MCM9: variants seen among roughly 807,000 people sequenced by gnomAD.
MCM9 encodes minichromosome maintenance 9 homologous recombination repair factor.
A neutral mutation model predicts 72.8 loss-of-function variants in MCM9; 55 were observed. That is an observed-to-expected ratio of 0.76 (90% CI 0.61 to 0.95). The LOEUF (loss-of-function observed/expected upper bound fraction) is 0.95. Ranked by LOEUF, MCM9 falls within the 40% of genes least tolerant of loss-of-function variation. The pLI, the probability that MCM9 is intolerant of heterozygous loss-of-function variation, is 0.00. For synonymous variants in MCM9, 480 were observed against 503.4 expected (o/e 0.95, Z 0.62); for missense variants, 1,279 against 1,377.0 (o/e 0.93, Z 1.13).
At chr6:118,900,688 G>T in intron 8 of MCM9, 1 of 1,015,152 alleles carries the variant, frequency 9.9e-7, no homozygotes, top group Non-Finnish European at 1.6e-6. Flanking sequence ...TGGCTAAGTG[G>T]ACATTAAAAG....
At chr6:118,898,342 T>G (rs1779574434) in intron 8 of MCM9, among the ~76,000 whole-genome samples, 1 of 152,228 alleles carries the variant, frequency 6.6e-6, no homozygotes, top group South Asian at 2.1e-4. Context: ...AAATGCGAAT[T>G]TATACCACTT....
At chr6:118,879,448 T>C (rs1041831902) in intron 8 of MCM9, among the ~76,000 whole-genome samples, 8 of 152,160 alleles carry the variant, frequency 5.3e-5, no homozygotes, top group Admixed American at 5.2e-4. Context: ...AACACAAGAA[T>C]AGCATTCACA....
chr6:118,931,325 T>C (rs1379983400), intron 3 of MCM9, 95 bp downstream of exon 3: 1 of 978,176 alleles, frequency 1.0e-6, no homozygotes, highest in African/African-American at 1.6e-5. Flanking sequence ...ATTTTAAGTA[T>C]AAATATCAAT....
At chr6:118,900,887 A>G (rs1779757261) in intron 8 of MCM9, 2 of 1,583,062 alleles carry the variant, frequency 1.3e-6, no homozygotes, top group South Asian at 2.2e-5. Flanking sequence ...TTCAGGTAAG[A>G]TTAATCTTGG....
chr6:118,843,890 A>G (rs1016586933), intron 9 of MCM9, among the ~76,000 whole-genome samples: 1 of 151,286 alleles, frequency 6.6e-6, no homozygotes, highest in Middle Eastern at 3.2e-3. Flanking sequence ...AGAGAAAGAA[A>G]GCAAAAGCAG....
chr6:118,931,593 G>A lies in MCM9; in HGVS notation c.131C>T (p.Ala44Val). The A allele has an allele frequency of 1.9e-6, 3 of 1,614,116 alleles. No homozygotes were observed. The highest frequency in any genetic ancestry group is 2.5e-6 in the Non-Finnish European group (3 of 1,180,014). Residue 44 changes from alanine to valine, a missense_variant, in exon 3 of 14, where the codon GCC (alanine) becomes GTC (valine). Ala to Val is a moderately conservative substitution (Grantham distance 64, BLOSUM62 0). Coordinates refer to ENST00000619706, the MANE Select transcript of MCM9 (RefSeq NM_017696.3). ...EDAHYPVVVN[A>V]MTLFETNMEI... Reference sequence around the variant, plus strand: ...CATGTTGGTCTCAAACAGAGTCATGGCATTAACCACAACTGGGTAATGAGC... The same window carrying A: ...CATGTTGGTCTCAAACAGAGTCATGACATTAACCACAACTGGGTAATGAGC...
chr6:118,824,387 C>A (rs1057167055), intron 13 of MCM9, among the ~76,000 whole-genome samples: 1 of 149,188 alleles, frequency 6.7e-6, no homozygotes, highest in Non-Finnish European at 1.5e-5. Flanking sequence ...TGGCTCACTG[C>A]AACCTCCACC....
intron 8 of MCM9, among the ~76,000 whole-genome samples, chr6:118,894,801 G>A (rs930905206): frequency 6.6e-6 from 1 of 152,220 alleles, no homozygotes; most frequent in African/African-American, 2.4e-5. Context: ...GGGCAGCTCG[G>A]AGACCCGCAC....
intron 9 of MCM9, among the ~76,000 whole-genome samples, chr6:118,833,279 G>C (rs753181142): frequency 1.3e-5 from 2 of 152,038 alleles, no homozygotes; most frequent in Admixed American, 6.6e-5. Context: ...AAGCAATGAA[G>C]ACATCTCAGA....
chr6:118,844,092 A>G (rs936617383), intron 9 of MCM9, among the ~76,000 whole-genome samples: 1 of 151,740 alleles, frequency 6.6e-6, no homozygotes, highest in Non-Finnish European at 1.5e-5. Context: ...GGTAGAATTC[A>G]TAATTAAAGT....
chr6:118,913,185 G>A (rs1780682243), intron 7 of MCM9, 110 bp downstream of exon 7: 15 of 1,258,220 alleles, frequency 1.2e-5, no homozygotes, highest in Non-Finnish European at 1.6e-5. Context: ...AGTTTTATAA[G>A]ATTACAATTG....
intron 8 of MCM9, among the ~76,000 whole-genome samples, chr6:118,897,488 T>TA (rs1488050716): frequency 6.6e-6 from 1 of 152,072 alleles, no homozygotes; most frequent in Middle Eastern, 3.2e-3. Flanking sequence ...ATTGAATACT[T>TA]ATAATATACC....
At chr6:118,844,471 C>T (rs573605834) in intron 9 of MCM9, among the ~76,000 whole-genome samples, 8 of 151,226 alleles carry the variant, frequency 5.3e-5, no homozygotes, top group Non-Finnish European at 1.2e-4. Flanking sequence ...ACAAACAACC[C>T]CAAAAAAGCC....
chr6:118,864,865 G>A (rs1777120936), intron 8 of MCM9, among the ~76,000 whole-genome samples: 1 of 152,160 alleles, frequency 6.6e-6, no homozygotes, highest in African/African-American at 2.4e-5. Flanking sequence ...GTGCAGAGAA[G>A]GGGCCTAAAA....
chr6:118,896,121 A>G (rs1328830094), intron 8 of MCM9, among the ~76,000 whole-genome samples: 7 of 150,554 alleles, frequency 4.6e-5, no homozygotes, highest in Admixed American at 2.6e-4. Context: ...TGATTCATTT[A>G]TTAAAATAAT....
chr6:118,929,544 G>C (rs1782207278), intron 3 of MCM9, among the ~76,000 whole-genome samples: 1 of 152,174 alleles, frequency 6.6e-6, no homozygotes, highest in Admixed American at 6.5e-5. Flanking sequence ...GGTCACTTAG[G>C]CAGACAGGAT....
rs1562407162 is a variant in MCM9 at position 118,843,682 on chromosome 6, A to ATG, written c.1325+12688_1325+12689insCA. Reference sequence around the variant, plus strand: ...TGTATATATATATGTATGTATATATATATGTGTATATATATATATATGTAT... The same window carrying ATG: ...TGTATATATATATGTATGTATATATATGTATGTGTATATATATATATATGTAT... On this transcript the variant is annotated intron_variant, in intron 9 of 13. Transcript: ENST00000619706. Among the ~76,000 whole-genome samples the ATG allele has an allele frequency of 3.2e-4, 26 of 81,774 alleles. 1 individual carries two copies. The highest frequency in any genetic ancestry group is 2.1e-3 in the Admixed American group (14 of 6,724). 53.6% of individuals were successfully genotyped at this position (81,774 alleles called of 152,430 possible). A position where few individuals can be genotyped will look rare whatever the true frequency, so the allele number is the denominator to read the frequency against.
chr6:118,886,001 T>C (rs925947143), intron 8 of MCM9, among the ~76,000 whole-genome samples: 2 of 151,756 alleles, frequency 1.3e-5, no homozygotes, highest in African/African-American at 4.8e-5. Flanking sequence ...GCAAGGTTCA[T>C]TTAACACCTG....
intron 8 of MCM9, among the ~76,000 whole-genome samples, chr6:118,898,158 ATTAC>A (rs377741717): frequency 1.4e-4 from 22 of 152,332 alleles, no homozygotes; most frequent in African/African-American, 5.0e-4. Context: ...ATTTGTGTAG[ATTAC>A]TTAACCTCTC....
Sources: allele counts gnomAD v4.1 joint callset (sites outside exome capture counted in the v4.1 genomes callset), GRCh38; gene constraint gnomAD v4.1.1; transcripts MANE v1.5; gene names NCBI Gene and HGNC (gene_info 2026-07-23, HGNC 2026-07-21).